The following CTNNA3 variants were observed in gnomAD, a reference collection of about 807,000 sequenced individuals.
CTNNA3 encodes catenin alpha-3.
A neutral mutation model predicts 95.7 loss-of-function variants in CTNNA3; 76 were observed. That is an observed-to-expected ratio of 0.79 (90% CI 0.66 to 0.96). The LOEUF (loss-of-function observed/expected upper bound fraction) is 0.96. CTNNA3 is among the 40% of genes least tolerant of loss of function. The probability of loss-of-function intolerance (pLI) is 0.00; values close to 1 mark genes in which losing one functional copy is unlikely to be tolerated. For missense variants in CTNNA3, 1,191 were observed against 1,089.8 expected (o/e 1.09, Z -1.31); for synonymous variants, 431 against 374.4 (o/e 1.15, Z -1.74).
intron 12 of CTNNA3, among the ~76,000 whole-genome samples, chr10:66,327,253 A>G (rs1240218546): frequency 6.6e-6 from 1 of 152,134 alleles, no homozygotes; most frequent in Non-Finnish European, 1.5e-5. Flanking sequence ...TCAAATAGGA[A>G]TGTTCCTGCT....
At chr10:66,550,587 C>G (rs1842184777) in intron 10 of CTNNA3, among the ~76,000 whole-genome samples, 1 of 152,234 alleles carries the variant, frequency 6.6e-6, no homozygotes, top group East Asian at 1.9e-4. Context: ...TACTCTTTGG[C>G]CCTCTAAGAG....
In CTNNA3 at chr10:66,775,505, C is replaced by T. The variant is rs1388725820; in HGVS notation, c.1067G>A (p.Ser356Asn). ...GTCTAAAGCAATATTCAGGGTATTA[C>T]TCCTTTCTTTTTTTCCAGCCTGCAA... ...YMNNAGKKERSNTLNIALDNM... is the reference protein window; with the variant it reads ...YMNNAGKKERNNTLNIALDNM... The change falls in exon 8 of 18, where the codon AGT (serine) becomes AAT (asparagine). Residue 356 changes from serine (S) to asparagine (N), a missense_variant. Ser to Asn is a conservative substitution (Grantham distance 46). Transcript: ENST00000433211. The T allele has an allele frequency of 6.2e-7, 1 of 1,609,602 alleles. No individual in the cohort carries two copies. Among genetic ancestry groups the T allele is most frequent in the East Asian group, 2.2e-5 (1 of 44,632 alleles).
chr10:66,513,016 T>C (rs1034474260), intron 11 of CTNNA3, among the ~76,000 whole-genome samples: 8 of 152,012 alleles, frequency 5.3e-5, no homozygotes, highest in Non-Finnish European at 7.4e-5. Flanking sequence ...TTTGGGAACA[T>C]TTGAGCTCCC....
chr10:66,364,499 T>C (rs949608043), intron 12 of CTNNA3, among the ~76,000 whole-genome samples: 8 of 152,090 alleles, frequency 5.3e-5, no homozygotes, highest in African/African-American at 1.9e-4. Context: ...CTTTTTTATA[T>C]TTTGGACATT....
chr10:66,364,210 T>C (rs1316533134), intron 12 of CTNNA3, among the ~76,000 whole-genome samples: 1 of 150,954 alleles, frequency 6.6e-6, no homozygotes, highest in Non-Finnish European at 1.5e-5. Context: ...ATTTCAACCA[T>C]TAGAACAATA....
chr10:66,045,333 C>G (rs910765246), intron 15 of CTNNA3, among the ~76,000 whole-genome samples: 1 of 152,134 alleles, frequency 6.6e-6, no homozygotes, highest in Admixed American at 6.5e-5. Flanking sequence ...CTACCTAAAC[C>G]TTAAAATATT....
At chr10:66,308,438 T>C (rs922690211) in intron 12 of CTNNA3, among the ~76,000 whole-genome samples, 1 of 152,194 alleles carries the variant, frequency 6.6e-6, no homozygotes, top group Non-Finnish European at 1.5e-5. Context: ...TTGAATCCAA[T>C]ATGCCAAATG....
chr10:67,202,159 A>G (rs1564968373), intron 6 of CTNNA3, among the ~76,000 whole-genome samples: 1 of 152,160 alleles, frequency 6.6e-6, no homozygotes, highest in Non-Finnish European at 1.5e-5. Context: ...TATTCATAAC[A>G]TAAAGTTCAA....
intron 7 of CTNNA3, among the ~76,000 whole-genome samples, chr10:66,953,276 A>T (rs1848629647): frequency 6.6e-6 from 1 of 152,228 alleles, no homozygotes. Context: ...CTTATGAAGA[A>T]GGAAATCATT....
chr10:66,359,024 T>C (rs1200941100), intron 12 of CTNNA3, among the ~76,000 whole-genome samples: 2 of 152,200 alleles, frequency 1.3e-5, no homozygotes, highest in East Asian at 3.9e-4. Context: ...ACTGAAAGAT[T>C]TGAATCATGC....
rs186267602 is a variant in CTNNA3, at chr10:66,340,724, A to G, written c.1732+38428T>C. On this transcript the variant is annotated intron_variant, in intron 12 of 17. Coordinates refer to ENST00000433211, the MANE Select transcript of CTNNA3 (RefSeq NM_013266.4). Reference sequence around the variant, plus strand: ...TTTGATGAGAAATTTTAAATACATTATTAGATTTAATTTTCGTAACCATCC... The same window carrying G: ...TTTGATGAGAAATTTTAAATACATTGTTAGATTTAATTTTCGTAACCATCC... Among the ~76,000 whole-genome samples, 234 of 151,854 alleles carry G rather than the reference A, an allele frequency of 1.5e-3. 1 individual carries two copies. The highest frequency in any genetic ancestry group is 5.6e-3 in the African/African-American group (233 of 41,528).
At chr10:66,445,151 G>T (rs923412565) in intron 11 of CTNNA3, among the ~76,000 whole-genome samples, 1 of 151,630 alleles carries the variant, frequency 6.6e-6, no homozygotes, top group African/African-American at 2.4e-5. Flanking sequence ...ACCCAATACA[G>T]GAGCAACCAG....
chr10:67,418,486 AC>A (rs1845622176), intron 5 of CTNNA3, among the ~76,000 whole-genome samples: 1 of 149,314 alleles, frequency 6.7e-6, no homozygotes, highest in South Asian at 2.2e-4. Flanking sequence ...ACAGGGGTAT[AC>A]ACACACAATT....
intron 13 of CTNNA3, among the ~76,000 whole-genome samples, chr10:66,276,712 A>C (rs1228620332): frequency 5.3e-5 from 8 of 152,238 alleles, no homozygotes; most frequent in Admixed American, 1.3e-4. Context: ...ATGCTTATGT[A>C]GTTAATATTC....
chr10:67,749,425 C>G (rs1297821939), intron 1 of CTNNA3, among the ~76,000 whole-genome samples: 11 of 152,192 alleles, frequency 7.2e-5, no homozygotes, highest in Non-Finnish European at 1.6e-4. Flanking sequence ...AAACACTCCT[C>G]AGCAAATGCA....
At chr10:67,145,138 TC>T (rs1365098537) in intron 7 of CTNNA3, among the ~76,000 whole-genome samples, 1 of 152,120 alleles carries the variant, frequency 6.6e-6, no homozygotes, top group Non-Finnish European at 1.5e-5. Flanking sequence ...AAGTTTACTG[TC>T]CCCCATGGGC....
intron 7 of CTNNA3, among the ~76,000 whole-genome samples, chr10:66,856,515 T>C (rs1843689570): frequency 6.6e-6 from 1 of 151,576 alleles, no homozygotes; most frequent in Non-Finnish European, 1.5e-5. Flanking sequence ...CTCAACTAAA[T>C]TCTCATCAGC....
chr10:67,703,111 C>A (rs1355026908), intron 1 of CTNNA3, among the ~76,000 whole-genome samples: 1 of 152,144 alleles, frequency 6.6e-6, no homozygotes, highest in African/African-American at 2.4e-5. Flanking sequence ...CAATAACAGG[C>A]TCTGAAATTG....
chr10:66,116,556 A>G (rs529594051), intron 13 of CTNNA3, among the ~76,000 whole-genome samples: 15 of 152,344 alleles, frequency 9.8e-5, no homozygotes, highest in African/African-American at 3.4e-4. Flanking sequence ...AAAAAGGAAT[A>G]AATTTGATTA....
Sources: gnomAD v4.1 joint callset for allele counts (sites outside exome capture counted in the v4.1 genomes callset) on GRCh38, gnomAD v4.1.1 for gene constraint, MANE v1.5 for transcripts, NCBI Gene and HGNC (gene_info 2026-07-23, HGNC 2026-07-21) for gene names.